Variants in CNTNAP2 observed in about 807,000 individuals in gnomAD.
CNTNAP2 encodes the protein contactin associated protein 2.
A neutral mutation model predicts 155.2 loss-of-function variants in CNTNAP2; 98 were observed. That is an observed-to-expected ratio of 0.63 (90% CI 0.54 to 0.75). The LOEUF is 0.75. CNTNAP2 is among the 30% of genes least tolerant of loss of function. The pLI, the probability that CNTNAP2 is intolerant of heterozygous loss-of-function variation, is 0.00. For synonymous variants in CNTNAP2, 651 were observed against 631.2 expected (o/e 1.03, Z -0.47); for missense variants, 1,727 against 1,688.1 (o/e 1.02, Z -0.40).
chr7:147,833,391 G>A (rs758303511), intron 13 of CNTNAP2, among the ~76,000 whole-genome samples: 19 of 152,078 alleles, frequency 1.2e-4, no homozygotes, highest in Non-Finnish European at 2.4e-4. Context: ...GATAATTTCC[G>A]AGCTCCAGAG....
chr7:146,816,757 C>T (rs571873438), intron 2 of CNTNAP2, among the ~76,000 whole-genome samples: 3 of 152,080 alleles, frequency 2.0e-5, no homozygotes, highest in Non-Finnish European at 4.4e-5. Flanking sequence ...AAAAGTCATG[C>T]CCTGGGTCAA....
rs144088237 is a variant in CNTNAP2 at position 148,052,929 on chromosome 7, C to A, written c.2384-65189C>A. Among the ~76,000 whole-genome samples, 1,350 of 152,236 alleles carry A rather than the reference C, an allele frequency of 8.9e-3. 10 individuals are homozygous for A. Among genetic ancestry groups the A allele is most frequent in the Non-Finnish European group, 0.015 (1,020 of 68,030 alleles). ...GGGCATAGTGGCGCACGCCTGTAGT[C>A]CCAGCTACTCGGGAGGCTGAGCCAG... On this transcript the variant is annotated intron_variant, in intron 15 of 23. Transcript: ENST00000361727.
chr7:147,879,110 G>A (rs1799474948), intron 13 of CNTNAP2, among the ~76,000 whole-genome samples: 1 of 152,112 alleles, frequency 6.6e-6, no homozygotes, highest in South Asian at 2.1e-4. Context: ...TACAATGTAT[G>A]GTACATTTCT....
chr7:146,406,693 G>A (rs1030796105), intron 1 of CNTNAP2, among the ~76,000 whole-genome samples: 1 of 152,086 alleles, frequency 6.6e-6, no homozygotes, highest in Non-Finnish European at 1.5e-5. Context: ...CACACAGAGG[G>A]GACTACACCT....
At chr7:146,390,853 G>A (rs1195185560) in intron 1 of CNTNAP2, among the ~76,000 whole-genome samples, 3 of 138,748 alleles carry the variant, frequency 2.2e-5, no homozygotes, top group Non-Finnish European at 3.0e-5. Flanking sequence ...CGGATCAAGG[G>A]GTCAAGAGAT....
rs570545682 is a variant in CNTNAP2 at position 146,119,867 on chromosome 7, C to T, written c.97+2894C>T. 4.6e-5 allele frequency among the ~76,000 whole-genome samples: 7 copies of T among 151,870 alleles called. 1 individual carries two copies. Among genetic ancestry groups the T allele is most frequent in the African/African-American group, 1.7e-4 (7 of 41,462 alleles). On this transcript the variant is annotated intron_variant, in intron 1 of 23. Coordinates refer to ENST00000361727, the MANE Select transcript of CNTNAP2 (RefSeq NM_014141.6). ...TTTTATACGTGTATATATACACACA[C>T]ATGAATATATATGTGTATAAATATA...
In CNTNAP2 at chr7:147,616,074, CT is replaced by C. The variant is rs199734762; in HGVS notation, c.1898-23031del. On this transcript the variant is annotated intron_variant, in intron 12 of 23. Transcript: ENST00000361727. Reference sequence around the variant, plus strand: ...ATCCTTGTTTCATTTTTTTTTCCCCCTGATAGGTCTCATCCAAAACATGACC... The same window carrying C: ...ATCCTTGTTTCATTTTTTTTTCCCCCGATAGGTCTCATCCAAAACATGACC... Among the ~76,000 whole-genome samples the C allele has an allele frequency of 7.3e-4, 111 of 152,134 alleles. 2 individuals are homozygous for C. In the East Asian group the frequency reaches 0.018, roughly 24 times the overall value.
At chr7:147,472,102 T>C (rs1798230446) in intron 10 of CNTNAP2, among the ~76,000 whole-genome samples, 1 of 152,022 alleles carries the variant, frequency 6.6e-6, no homozygotes. Context: ...AAGAGGAGCA[T>C]GAGGCAGCAG....
At chr7:146,224,453 A>C (rs944609461) in intron 1 of CNTNAP2, among the ~76,000 whole-genome samples, 4 of 151,772 alleles carry the variant, frequency 2.6e-5, no homozygotes, top group African/African-American at 9.7e-5. Context: ...AAACCCAAAA[A>C]ACTAAGATTT....
chr7:148,343,334 C>A (rs148327947), intron 21 of CNTNAP2, among the ~76,000 whole-genome samples: 244 of 152,322 alleles, frequency 1.6e-3, no homozygotes, highest in African/African-American at 5.5e-3. Context: ...GCCTTGATAC[C>A]AGCCCACAGT....
At chr7:148,155,523 A>G (rs936708381) in intron 17 of CNTNAP2, among the ~76,000 whole-genome samples, 2 of 152,196 alleles carry the variant, frequency 1.3e-5, no homozygotes, top group African/African-American at 4.8e-5. Flanking sequence ...CCAAAGGAAA[A>G]GTAAACTTTC....
chr7:146,724,830 A>G (rs1013364462), intron 1 of CNTNAP2, among the ~76,000 whole-genome samples: 2 of 152,020 alleles, frequency 1.3e-5, no homozygotes, highest in Non-Finnish European at 2.9e-5. Context: ...TGGCCTCCCA[A>G]AGTGGTGGGA....
At chr7:146,641,316 A>G (rs1799703562) in intron 1 of CNTNAP2, among the ~76,000 whole-genome samples, 2 of 152,190 alleles carry the variant, frequency 1.3e-5, no homozygotes, top group Admixed American at 1.3e-4. Context: ...ACAGAGCGAG[A>G]CTCCGTCTCA....
chr7:146,311,888 C>A (rs939408773), intron 1 of CNTNAP2: 1 of 151,562 alleles, frequency 6.6e-6, no homozygotes, highest in Non-Finnish European at 1.5e-5. Flanking sequence ...AAGTACTTAT[C>A]TATTACTTGA....
At chr7:146,512,410 T>A (rs974671309) in intron 1 of CNTNAP2, among the ~76,000 whole-genome samples, 4 of 151,916 alleles carry the variant, frequency 2.6e-5, no homozygotes, top group South Asian at 2.1e-4. Context: ...CACTTTTTTT[T>A]ATGTAGATGT....
chr7:146,130,255 A>C (rs1433434130), intron 1 of CNTNAP2, among the ~76,000 whole-genome samples: 1 of 152,204 alleles, frequency 6.6e-6, no homozygotes, highest in Non-Finnish European at 1.5e-5. Flanking sequence ...TGAGGCCAGA[A>C]GTTTGAGACC....
chr7:146,548,274 A>G (rs1307579016), intron 1 of CNTNAP2, among the ~76,000 whole-genome samples: 1 of 151,978 alleles, frequency 6.6e-6, no homozygotes, highest in African/African-American at 2.4e-5. Flanking sequence ...GTCTCCATCC[A>G]CATCCCTGAA....
At chr7:148,238,553 T>G (rs1162933130) in intron 20 of CNTNAP2, among the ~76,000 whole-genome samples, 2 of 152,228 alleles carry the variant, frequency 1.3e-5, no homozygotes, top group Non-Finnish European at 2.9e-5. Context: ...CAAAATTAAG[T>G]CTTTTGAGGA....
intron 1 of CNTNAP2, among the ~76,000 whole-genome samples, chr7:146,710,503 A>G (rs67507935): frequency 0.091 from 13,854 of 152,218 alleles, 1,667 homozygotes; most frequent in African/African-American, 0.27. Flanking sequence ...AATCAACTAC[A>G]GTATCCTCCT....
Sources: allele counts gnomAD v4.1 joint callset (sites outside exome capture counted in the v4.1 genomes callset), GRCh38; gene constraint gnomAD v4.1.1; transcripts MANE v1.5; gene names NCBI Gene and HGNC (gene_info 2026-07-23, HGNC 2026-07-21).